The following FRMD3 variants were observed in gnomAD, a reference collection of about 807,000 sequenced individuals.
FRMD3 encodes FERM domain-containing protein 3.
FRMD3 carries 33 observed loss-of-function variants against 70.2 expected under a neutral mutation model. That is an observed-to-expected ratio of 0.47 (90% CI 0.36 to 0.63). The LOEUF (loss-of-function observed/expected upper bound fraction) is 0.63, where lower values mean the gene tolerates loss of function less well. Ranked by LOEUF, FRMD3 falls within the 20% of genes least tolerant of loss-of-function variation. The pLI is 0.00. For synonymous variants in FRMD3, 279 were observed against 255.9 expected, an observed-to-expected ratio of 1.09 and a Z score of -0.86; for missense variants, 632 against 711.4, an observed-to-expected ratio of 0.89 and a Z score of 1.27.
intron 13 of FRMD3, among the ~76,000 whole-genome samples, chr9:83,259,566 T>C (rs1342972284): frequency 1.3e-5 from 2 of 152,158 alleles, no homozygotes; most frequent in Non-Finnish European, 2.9e-5. Context: ...TCTCCTAATT[T>C]CTCCTTATAT....
intron 1 of FRMD3, among the ~76,000 whole-genome samples, chr9:83,394,953 T>C (rs550107943): frequency 5.9e-5 from 9 of 152,166 alleles, no homozygotes; most frequent in Admixed American, 1.3e-4. Flanking sequence ...AACTTCCAGA[T>C]GTATCCCCAA....
At chr9:83,553,245 G>A in the FRMD3 span, among the ~76,000 whole-genome samples, 1 of 152,156 alleles carries the variant, frequency 6.6e-6, no homozygotes. Context: ...TAGTTTGGCT[G>A]AATATGAAAT....
chr9:83,252,218 A>C (rs922759534), intron 13 of FRMD3, among the ~76,000 whole-genome samples: 5 of 149,674 alleles, frequency 3.3e-5, no homozygotes, highest in African/African-American at 7.7e-5. Context: ...GCCAATATTC[A>C]ACATTCTTAA....
intron 1 of FRMD3, among the ~76,000 whole-genome samples, chr9:83,525,434 T>C (rs1829664992): frequency 6.6e-6 from 1 of 152,192 alleles, no homozygotes; most frequent in South Asian, 2.1e-4. Context: ...CCCTGAAAAC[T>C]ATATACAAAA....
chr9:83,282,773 CT>C, intron 13 of FRMD3, among the ~76,000 whole-genome samples: 1 of 152,302 alleles, frequency 6.6e-6, no homozygotes, highest in African/African-American at 2.4e-5. Flanking sequence ...CACTGCTATG[CT>C]TCCACTGCGG....
At chr9:83,359,068 T>C (rs922549413) in intron 3 of FRMD3, among the ~76,000 whole-genome samples, 10 of 152,208 alleles carry the variant, frequency 6.6e-5, no homozygotes, top group Non-Finnish European at 1.3e-4. Flanking sequence ...GCAACAGTGA[T>C]GATCCTTCCC....
chr9:83,280,633 G>C (rs1272674066), intron 13 of FRMD3, among the ~76,000 whole-genome samples: 1 of 152,196 alleles, frequency 6.6e-6, no homozygotes, highest in Non-Finnish European at 1.5e-5. Context: ...TCAAGATCTA[G>C]AGCAGCTGTT....
intron 1 of FRMD3, among the ~76,000 whole-genome samples, chr9:83,533,804 C>T (rs976040570): frequency 1.3e-5 from 2 of 152,152 alleles, no homozygotes; most frequent in African/African-American, 4.8e-5. Context: ...CTACTGTATG[C>T]AAAGCACTAT....
At chr9:83,450,486 C>G (rs922210951) in intron 1 of FRMD3, among the ~76,000 whole-genome samples, 3 of 151,720 alleles carry the variant, frequency 2.0e-5, no homozygotes, top group African/African-American at 7.3e-5. Context: ...TTAGGTATAT[C>G]TCCCACCCTC....
At chr9:83,474,797 G>C (rs1287511443) in intron 1 of FRMD3, among the ~76,000 whole-genome samples, 2 of 151,742 alleles carry the variant, frequency 1.3e-5, no homozygotes, top group East Asian at 3.9e-4. Flanking sequence ...ATTTACTGAT[G>C]TGTAAATTTC....
chr9:83,298,959 G>A, intron 11 of FRMD3, 143 bp from the exon 12 acceptor site: 1 of 997,958 alleles, frequency 1.0e-6, no homozygotes, highest in Non-Finnish European at 1.6e-6. Context: ...TAGAATTTGA[G>A]GGTGCCCTGT....
At chr9:83,516,246 T>C (rs1243596070) in intron 1 of FRMD3, among the ~76,000 whole-genome samples, 1 of 149,538 alleles carries the variant, frequency 6.7e-6, no homozygotes, top group East Asian at 2.0e-4. Flanking sequence ...AAGACACACA[T>C]AGGCTCAAAA....
intron 1 of FRMD3, among the ~76,000 whole-genome samples, chr9:83,442,771 C>T (rs1356147473): frequency 6.6e-6 from 1 of 152,036 alleles, no homozygotes; most frequent in African/African-American, 2.4e-5. Context: ...CCACATACAT[C>T]CTGTGTGAGT....
rs1017978535 is a variant in FRMD3 at position 83,246,257 on chromosome 9, G to A, written c.*1661C>T. On this transcript the variant is annotated 3_prime_UTR_variant, in exon 14 of 14. Coordinates refer to ENST00000304195, the MANE Select transcript of FRMD3 (RefSeq NM_174938.6). ...CAGTGGAATGTTTTCAATCCACAGA[G>A]AAGCTCTATGCTCCATGGCATAAGT... 3 of 984,846 alleles carry A rather than the reference G, an allele frequency of 3.0e-6. No homozygotes were observed. The South Asian group carries it at 1.4e-4, about 46-fold the overall frequency. 61.0% of individuals were successfully genotyped at this position (984,846 alleles called of 1,614,324 possible). A position where few individuals can be genotyped will look rare whatever the true frequency, so the allele number is the denominator to read the frequency against.
chr9:83,501,987 G>T (rs1829079516), intron 1 of FRMD3, among the ~76,000 whole-genome samples: 1 of 152,154 alleles, frequency 6.6e-6, no homozygotes, highest in Admixed American at 6.5e-5. Context: ...ACTTATGGAA[G>T]CAACTCCTTT....
At chr9:83,325,001 T>G (rs750049021) in intron 6 of FRMD3, among the ~76,000 whole-genome samples, 2 of 152,192 alleles carry the variant, frequency 1.3e-5, no homozygotes, top group African/African-American at 4.8e-5. Context: ...ATGATTTCTA[T>G]CCACCTTTTA....
chr9:83,507,596 G>A (rs1280334075), intron 1 of FRMD3, among the ~76,000 whole-genome samples: 2 of 147,176 alleles, frequency 1.4e-5, no homozygotes, highest in Admixed American at 6.8e-5. Context: ...CATGAACCTG[G>A]GAGGCAGAGC....
In FRMD3 at chr9:83,280,316, C is replaced by T. The variant is rs142212097; in HGVS notation, c.1195+10287G>A. 8.7e-4 allele frequency among the ~76,000 whole-genome samples: 132 copies of T among 152,304 alleles called. No homozygotes were observed. In the East Asian group the frequency reaches 0.02, roughly 24 times the overall value. ...AGAGAATCCCCACTAATATTGTATT[C>T]GGTGTCCACTCAAGTGCAGTCCAGC... On this transcript the variant is annotated intron_variant, in intron 13 of 13. Transcript: ENST00000304195.
intron 2 of FRMD3, among the ~76,000 whole-genome samples, chr9:83,380,545 G>A (rs150074191): frequency 1.3e-5 from 2 of 152,112 alleles, no homozygotes; most frequent in African/African-American, 4.8e-5. Context: ...TACAAATGGT[G>A]CATATCTTTC....
Sources: allele counts gnomAD v4.1 joint callset (sites outside exome capture counted in the v4.1 genomes callset), GRCh38; gene constraint gnomAD v4.1.1; transcripts MANE v1.5; gene names NCBI Gene and HGNC (gene_info 2026-07-23, HGNC 2026-07-21).